Variants in PCDHGB3 observed in about 807,000 individuals in gnomAD.
PCDHGB3 encodes protocadherin gamma-B3.
A neutral mutation model predicts 59.2 loss-of-function variants in PCDHGB3; 40 were observed. That is an observed-to-expected ratio of 0.68 (90% confidence interval 0.52 to 0.88). The LOEUF (loss-of-function observed/expected upper bound fraction) is 0.88, where lower values mean the gene tolerates loss of function less well. Among genes scored for constraint, PCDHGB3 ranks in the 40% least tolerant of loss-of-function variants. The pLI, the probability that PCDHGB3 is intolerant of heterozygous loss-of-function variation, is 0.00. For missense variants in PCDHGB3, 1,309 were observed against 1,187.9 expected, an observed-to-expected ratio of 1.10 and a Z score of -1.50; for synonymous variants, 581 against 503.6, an observed-to-expected ratio of 1.15 and a Z score of -2.06.
In PCDHGB3 at chr5:141,375,407, G is replaced by A. The variant is rs192651675; in HGVS notation, c.2415+2598G>A. 5.6e-6 allele frequency: 9 copies of A among 1,613,974 alleles called. No individual in the cohort carries two copies. The Admixed American group carries it at 1.5e-4, about 27-fold the overall frequency. ...TACAGAAACAATCATCTCTCTAAAT[G>A]TGGCAGACACCAACGACAACCCGCC... On this transcript the variant is annotated intron_variant, in intron 1 of 3. Transcript: ENST00000576222.
chr5:141,375,967 G>C (rs200712802), intron 1 of PCDHGB3: 9 of 1,613,254 alleles, frequency 5.6e-6, no homozygotes, highest in East Asian at 2.2e-5. Flanking sequence ...AGGTGCGCAC[G>C]GCGCGCGCCC....
At chr5:141,461,974 C>T (rs2099027742) in intron 1 of PCDHGB3, among the ~76,000 whole-genome samples, 1 of 152,202 alleles carries the variant, frequency 6.6e-6, no homozygotes, top group Non-Finnish European at 1.5e-5. Context: ...CAGGCATATG[C>T]CACCACGCCA....
intron 1 of PCDHGB3, among the ~76,000 whole-genome samples, chr5:141,466,387 A>G (rs1312030857): frequency 1.3e-5 from 2 of 152,108 alleles, no homozygotes; most frequent in Non-Finnish European, 2.9e-5. Flanking sequence ...CATCTAATGG[A>G]AAGTTTGCTC....
intron 1 of PCDHGB3, chr5:141,415,749 T>C: frequency 8.2e-7 from 1 of 1,214,000 alleles, no homozygotes; most frequent in Non-Finnish European, 1.1e-6. Flanking sequence ...GGTTTTTTTT[T>C]TTTTTTTTTT....
At chr5:141,395,297 T>C in intron 1 of PCDHGB3, 1 of 1,523,916 alleles carries the variant, frequency 6.6e-7, no homozygotes, top group Non-Finnish European at 8.8e-7. Context: ...GCATAAATTA[T>C]GTTTTGAAAA....
chr5:141,412,906 TG>T (rs2095588206), intron 1 of PCDHGB3: 2 of 384,208 alleles, frequency 5.2e-6, no homozygotes, highest in Admixed American at 8.2e-5. Context: ...TTCCATTGCA[TG>T]TATCACTTGG....
chr5:141,426,676 A>T (rs1209949988), intron 1 of PCDHGB3: 4 of 431,700 alleles, frequency 9.3e-6, no homozygotes, highest in Non-Finnish European at 1.9e-5. Context: ...AACCCACCTC[A>T]TTTTCCCCAA....
chr5:141,391,875 T>C (rs2092433581), intron 1 of PCDHGB3: 2 of 152,212 alleles, frequency 1.3e-5, no homozygotes, highest in Non-Finnish European at 2.9e-5. Context: ...ATCATCTCTT[T>C]GGTGAAAGGG....
Position 141,419,305 on chromosome 5 carries a change from G to A in PCDHGB3, c.2415+46496G>A, listed in dbSNP as rs778360128. ...TCAGTGCCTCTGACCCAGACTTCGGGCTCAACGGCCGTGTCTCCTACTCTC... is the reference window on the plus strand; with the variant it reads ...TCAGTGCCTCTGACCCAGACTTCGGACTCAACGGCCGTGTCTCCTACTCTC... On this transcript the variant is annotated intron_variant, in intron 1 of 3. Transcript: ENST00000576222. The A allele has an allele frequency of 3.1e-6, 5 of 1,613,906 alleles. No individual in the cohort carries two copies. The East Asian group carries it at 1.1e-4, about 36-fold the overall frequency.
chr5:141,421,532 C>T lies in PCDHGB3; in HGVS notation c.2415+48723C>T, dbSNP rs557991200. On this transcript the variant is annotated intron_variant, in intron 1 of 3. Transcript: ENST00000576222. ...GAGGAGCTCTGTGAGACGGTGTCCT[C>T]CTGTTTTTTAAATATGGAACTTCTC... The T allele has an allele frequency of 1.4e-5, 23 of 1,613,996 alleles. No individual in the cohort carries two copies. In the African/African-American group the frequency reaches 2.4e-4, roughly 17 times the overall value.
chr5:141,383,272 G>C (rs369691483), intron 1 of PCDHGB3: 1 of 1,613,802 alleles, frequency 6.2e-7, no homozygotes, highest in Non-Finnish European at 8.5e-7. Flanking sequence ...GGAAATAATA[G>C]ATATTAATGA....
chr5:141,486,909 C>T lies in PCDHGB3; in HGVS notation c.2416-7898C>T, dbSNP rs759702188. ...CGGCCTGGTTCCTTATGTCCCCAAGCACTGCCTCCATCAGTTGGTGCTGGC... is the reference window on the plus strand; with the variant it reads ...CGGCCTGGTTCCTTATGTCCCCAAGTACTGCCTCCATCAGTTGGTGCTGGC... On this transcript the variant is annotated intron_variant, in intron 1 of 3. Transcript: ENST00000576222. This position sits in a 1 kb window ranked among gnomAD's most constrained non-coding sequence, Gnocchi z 5.0. 2 of 1,614,262 alleles carry T rather than the reference C, an allele frequency of 1.2e-6. No homozygotes were observed. Among genetic ancestry groups the T allele is most frequent in the Non-Finnish European group, 1.7e-6 (2 of 1,180,054 alleles).
At chr5:141,388,020 G>A (rs549084224) in intron 1 of PCDHGB3, 32 of 1,459,094 alleles carry the variant, frequency 2.2e-5, no homozygotes, top group African/African-American at 7.1e-5. Context: ...CAAGGGCTCC[G>A]TAGTGGGGAA....
At chr5:141,504,545 TGTTGGGGG>T in intron 2 of PCDHGB3, among the ~76,000 whole-genome samples, 1 of 151,524 alleles carries the variant, frequency 6.6e-6, no homozygotes, top group South Asian at 2.1e-4. Flanking sequence ...TCATGGCAAA[TGTTGGGGG>T]ACTGGCATTC....
At position 141,467,151 on chromosome 5, in the gene PCDHGB3, C is replaced by T. The variant is rs527879624; in HGVS notation, c.2416-27656C>T. ...CACTGCAACCTCTGCCTCCCAGGTT[C>T]AAGTGATTCTCATCTCTCAGCCTCC... is the stretch of plus-strand genomic sequence containing the variant. On this transcript the variant is annotated intron_variant, in intron 1 of 3. Transcript: ENST00000576222. Among the ~76,000 whole-genome samples the T allele has an allele frequency of 4.0e-5, 6 of 151,660 alleles. No homozygotes were observed. In the East Asian group the frequency reaches 7.8e-4, roughly 20 times the overall value.
intron 2 of PCDHGB3, among the ~76,000 whole-genome samples, chr5:141,497,390 C>T (rs2099776143): frequency 6.6e-6 from 1 of 152,158 alleles, no homozygotes; most frequent in Non-Finnish European, 1.5e-5. Context: ...GAGCACCTTA[C>T]CCCTGCCTCA....
At chr5:141,438,629 TATATATACAC>T (rs1412065186) in intron 1 of PCDHGB3, among the ~76,000 whole-genome samples, 590 of 47,950 alleles carry the variant, frequency 0.012, no homozygotes, top group African/African-American at 0.039. Flanking sequence ...TATATATATA[TATATATACAC>T]ACACACACAC....
chr5:141,419,315 C>A lies in PCDHGB3; in HGVS notation c.2415+46506C>A, dbSNP rs2096357855. ...TGACCCAGACTTCGGGCTCAACGGC[C>A]GTGTCTCCTACTCTCTCATTGCCAG... On this transcript the variant is annotated intron_variant, in intron 1 of 3. Transcript: ENST00000576222. 3 of 1,613,880 alleles carry A rather than the reference C, an allele frequency of 1.9e-6. No homozygotes were observed. Among genetic ancestry groups the A allele is most frequent in the Non-Finnish European group, 2.5e-6 (3 of 1,179,910 alleles).
chr5:141,394,749 G>A (rs1270810324), intron 1 of PCDHGB3: 2 of 1,613,424 alleles, frequency 1.2e-6, no homozygotes, highest in Non-Finnish European at 8.5e-7. Flanking sequence ...CGTGGTGGCC[G>A]TCCAGGACCA....
Sources: gnomAD v4.1 joint callset for allele counts (sites outside exome capture counted in the v4.1 genomes callset) on GRCh38, gnomAD v4.1.1 for gene constraint, Gnocchi (gnomAD v3.1) non-coding constraint, MANE v1.5 for transcripts, NCBI Gene and HGNC (gene_info 2026-07-23, HGNC 2026-07-21) for gene names.